LEPR: variants seen among roughly 807,000 people sequenced by gnomAD.
LEPR encodes the protein leptin receptor, also known as OB receptor.
LEPR carries 56 observed loss-of-function variants against 114.7 expected under a neutral mutation model. The observed-to-expected ratio is 0.49, with a 90% CI of 0.39 to 0.61. The LOEUF is 0.61. LEPR is among the 20% of genes least tolerant of loss of function. The pLI is 0.00. For missense variants in LEPR, 1,202 were observed against 1,352.9 expected, an observed-to-expected ratio of 0.89 and a Z score of 1.75; for synonymous variants, 443 against 461.4, an observed-to-expected ratio of 0.96 and a Z score of 0.51.
At chr1:65,423,766 T>A (rs1240430865) in intron 1 of LEPR, among the ~76,000 whole-genome samples, 1 of 152,210 alleles carries the variant, frequency 6.6e-6, no homozygotes, top group Non-Finnish European at 1.5e-5. Flanking sequence ...TCAAAAATGT[T>A]CATTGGCTTA....
At chr1:65,518,487 CT>C (rs1379722006) in intron 2 of LEPR, among the ~76,000 whole-genome samples, 4 of 152,162 alleles carry the variant, frequency 2.6e-5, no homozygotes, top group Non-Finnish European at 4.4e-5. Flanking sequence ...ACACTTCTGG[CT>C]TTTTCTCTAC....
At chr1:65,588,326 C>T (rs1294143212) in intron 5 of LEPR, among the ~76,000 whole-genome samples, 1 of 151,454 alleles carries the variant, frequency 6.6e-6, no homozygotes, top group Non-Finnish European at 1.5e-5. Context: ...GATTGACCTA[C>T]TTATTTGAAG....
chr1:65,453,765 G>A, intron 2 of LEPR, among the ~76,000 whole-genome samples: 1 of 152,160 alleles, frequency 6.6e-6, no homozygotes, highest in Non-Finnish European at 1.5e-5. Flanking sequence ...CTGTTGATTT[G>A]GGGTGGAGAG....
At chr1:65,599,348 G>A (rs1294157917) in intron 8 of LEPR, among the ~76,000 whole-genome samples, 1 of 152,070 alleles carries the variant, frequency 6.6e-6, no homozygotes, top group Non-Finnish European at 1.5e-5. Context: ...AATGGTCCTA[G>A]ACCTGTTGCA....
intron 7 of LEPR, among the ~76,000 whole-genome samples, chr1:65,598,095 C>CTTTTTTTTTATTT: frequency 9.9e-6 from 1 of 101,482 alleles, no homozygotes; most frequent in South Asian, 3.6e-4. Flanking sequence ...CCTCCTGCCT[C>CTTTTTTTTTATTT]TTTTTTTTTT....
chr1:65,583,771 A>G (rs2100859539), intron 5 of LEPR, among the ~76,000 whole-genome samples: 1 of 152,238 alleles, frequency 6.6e-6, no homozygotes, highest in African/African-American at 2.4e-5. Context: ...AAAAAGAAAA[A>G]ATAGTCAATA....
At chr1:65,609,023 A>G (rs1657001759) in intron 12 of LEPR, 122 bp downstream of exon 12, 2 of 1,273,588 alleles carry the variant, frequency 1.6e-6, no homozygotes, top group African/African-American at 1.5e-5. Flanking sequence ...TTGTGTAGCT[A>G]TTTTCATTAA....
At chr1:65,423,210 CTGGGCTGGAGCATCAGT>C (rs1646287023) in intron 1 of LEPR, among the ~76,000 whole-genome samples, 1 of 152,106 alleles carries the variant, frequency 6.6e-6, no homozygotes, top group Non-Finnish European at 1.5e-5. Context: ...AGGACCTACT[CTGGGCTGGAGCATCAGT>C]TGCGGCCGGG....
chr1:65,607,476 T>A (rs1247145482), intron 11 of LEPR, among the ~76,000 whole-genome samples: 1 of 152,230 alleles, frequency 6.6e-6, no homozygotes, highest in Non-Finnish European at 1.5e-5. Context: ...GGAGGAGATA[T>A]TCCTCAGGAG....
chr1:65,633,522 T>C lies in LEPR; in HGVS notation c.2674-2669T>C, dbSNP rs1028249026. 1.9e-6 allele frequency: 2 copies of C among 1,069,712 alleles called. No individual in the cohort carries two copies. The highest frequency in any genetic ancestry group is 2.3e-6 in the Non-Finnish European group (2 of 882,508). The allele number at this position is 1,069,712 out of a possible 1,614,324, so 66.3% of individuals were successfully genotyped here. On this transcript the variant is annotated intron_variant, in intron 19 of 19. Transcript: ENST00000349533. The surrounding 1 kb of genome is among the most constrained non-coding windows in gnomAD (Gnocchi z 4.1). The stretch of plus-strand genomic sequence containing the variant: ...GTCATTACATATCTATTAAATGTCA[T>C]CAAATATGTAGTAGACAATGCTGTA...
intron 2 of LEPR, among the ~76,000 whole-genome samples, chr1:65,550,447 C>T (rs1652218372): frequency 6.6e-6 from 1 of 152,212 alleles, no homozygotes; most frequent in South Asian, 2.1e-4. Flanking sequence ...GGCAGGCCTC[C>T]TTGAGCTGTG....
chr1:65,464,839 T>C (rs556863855), intron 2 of LEPR, among the ~76,000 whole-genome samples: 3 of 152,378 alleles, frequency 2.0e-5, no homozygotes, highest in South Asian at 2.1e-4. Context: ...TATTCTCTGA[T>C]GGTAGTTTGT....
intron 2 of LEPR, among the ~76,000 whole-genome samples, chr1:65,479,633 C>T (rs1230579719): frequency 6.6e-6 from 1 of 152,110 alleles, no homozygotes; most frequent in Non-Finnish European, 1.5e-5. Flanking sequence ...TTGAGGAAGC[C>T]CTGTATGCCT....
intron 2 of LEPR, among the ~76,000 whole-genome samples, chr1:65,509,027 G>C (rs1648896362): frequency 6.6e-6 from 1 of 151,842 alleles, no homozygotes; most frequent in African/African-American, 2.4e-5. Context: ...GATTTTTGTA[G>C]GTTAATTTTG....
intron 2 of LEPR, among the ~76,000 whole-genome samples, chr1:65,465,038 G>C (rs1273274729): frequency 6.6e-6 from 1 of 152,022 alleles, no homozygotes; most frequent in East Asian, 1.9e-4. Flanking sequence ...GTTCTGCTCT[G>C]ATCTTAGTTA....
chr1:65,504,470 T>C (rs1648622290), intron 2 of LEPR, among the ~76,000 whole-genome samples: 1 of 152,210 alleles, frequency 6.6e-6, no homozygotes, highest in African/African-American at 2.4e-5. Context: ...GCAATGGAAA[T>C]GACACTTAAC....
intron 11 of LEPR, among the ~76,000 whole-genome samples, chr1:65,606,810 T>A (rs1281014730): frequency 6.6e-6 from 1 of 152,192 alleles, no homozygotes; most frequent in African/African-American, 2.4e-5. Context: ...TGGTGGAGAA[T>A]GTCTTTTTGT....
At chr1:65,510,690 G>T (rs1398465985) in intron 2 of LEPR, among the ~76,000 whole-genome samples, 1 of 152,138 alleles carries the variant, frequency 6.6e-6, no homozygotes, top group Admixed American at 6.5e-5. Context: ...TTGAATTCAG[G>T]CTCTGAAGAT....
chr1:65,521,499 C>A (rs573416985), intron 2 of LEPR, among the ~76,000 whole-genome samples: 53 of 152,288 alleles, frequency 3.5e-4, no homozygotes, highest in African/African-American at 1.3e-3. Flanking sequence ...CCTAGCCATA[C>A]TGATACATCA....
Sources: allele counts gnomAD v4.1 joint callset (sites outside exome capture counted in the v4.1 genomes callset), GRCh38; gene constraint gnomAD v4.1.1; non-coding constraint Gnocchi (gnomAD v3.1); transcripts MANE v1.5; gene names NCBI Gene and HGNC (gene_info 2026-07-23, HGNC 2026-07-21).